The following C5 variants were observed in gnomAD, a reference collection of about 807,000 sequenced individuals.
The protein encoded by C5 is C3 and PZP-like alpha-2-macroglobulin domain-containing protein 4.
A neutral mutation model predicts 218.8 loss-of-function variants in C5; 140 were observed. The ratio of observed to expected loss-of-function variants is 0.64; its 90% CI spans 0.56 to 0.74. The LOEUF (loss-of-function observed/expected upper bound fraction) is 0.74, where lower values mean the gene tolerates loss of function less well. Among genes scored for constraint, C5 ranks in the 30% least tolerant of loss-of-function variants. The pLI, the probability that C5 is intolerant of heterozygous loss-of-function variation, is 0.00. For missense variants in C5, 1,700 were observed against 1,969.6 expected, an observed-to-expected ratio of 0.86 and a Z score of 2.59; for synonymous variants, 614 against 682.3, an observed-to-expected ratio of 0.90 and a Z score of 1.56.
rs1260365204 is a variant in C5, at chr9:120,982,802, A to T, written c.3243T>A (p.Phe1081Leu). ...GGSASTWLTA[F>L]ALRVLGQVNK... ...TTACTTGTCCAAGTACTCTTAAAGCAAAAGCTGTTAACCTTTAAGACAAAA... is the reference window on the plus strand; with the variant it reads ...TTACTTGTCCAAGTACTCTTAAAGCTAAAGCTGTTAACCTTTAAGACAAAA... The change falls in exon 26 of 41, where the codon TTT becomes TTA. Residue 1081 changes from phenylalanine (F) to leucine (L), a missense_variant. Transcript: ENST00000223642. The T allele has an allele frequency of 3.2e-6, 5 of 1,579,942 alleles. No homozygotes were observed. The highest frequency in any genetic ancestry group is 4.3e-6 in the Non-Finnish European group (5 of 1,151,106).
At chr9:121,013,098 T>A (rs1403680023) in intron 17 of C5, among the ~76,000 whole-genome samples, 1 of 152,100 alleles carries the variant, frequency 6.6e-6, no homozygotes, top group African/African-American at 2.4e-5. Flanking sequence ...GGTGGACGGA[T>A]CACCTGAGGT....
chr9:120,952,933 T>A, intron 40 of C5, 65 bp from the exon 41 acceptor site: 1 of 1,467,448 alleles, frequency 6.8e-7, no homozygotes, highest in East Asian at 2.5e-5. Flanking sequence ...GATTTCTTTA[T>A]TTTTTTTTGA....
At chr9:120,960,955 C>T (rs1238885278) in intron 37 of C5, among the ~76,000 whole-genome samples, 1 of 152,128 alleles carries the variant, frequency 6.6e-6, no homozygotes, top group Non-Finnish European at 1.5e-5. Flanking sequence ...CAATAAGTAC[C>T]TAGAAAATGT....
chr9:121,005,824 ACTT>A, intron 20 of C5, 92 bp downstream of exon 20: 1 of 1,271,018 alleles, frequency 7.9e-7, no homozygotes, highest in Non-Finnish European at 1.1e-6. Context: ...ACTGAGTTGA[ACTT>A]CTACTTTTTT....
chr9:121,065,530 G>T, the C5 span, among the ~76,000 whole-genome samples: 2 of 152,182 alleles, frequency 1.3e-5, no homozygotes, highest in East Asian at 3.9e-4. Context: ...TGCAATCACA[G>T]CTCATTGCAG....
rs386416117 is a variant in C5, at chr9:121,041,297, C to CTTTTTTTTTTTTTTTT, written c.421+1691_421+1706dup. ...CTGATAGAGAAATAATACATGAAGC[C>CTTTTTTTTTTTTTTTT]TTTTTTTTTTTTTTTTTTTTTTGCT... On this transcript the variant is annotated intron_variant, in intron 3 of 40. Coordinates refer to ENST00000223642, the MANE Select transcript of C5 (RefSeq NM_001735.3). Among the ~76,000 whole-genome samples, 10 of 72,678 alleles carry CTTTTTTTTTTTTTTTT rather than the reference C, an allele frequency of 1.4e-4. 2 individuals are homozygous for CTTTTTTTTTTTTTTTT. Among genetic ancestry groups the CTTTTTTTTTTTTTTTT allele is most frequent in the Admixed American group, 2.3e-4 (1 of 4,286 alleles). The allele number at this position is 72,678 out of a possible 152,430, so 47.7% of individuals were successfully genotyped here.
At chr9:120,973,476 G>A (rs2131685896) in intron 30 of C5, among the ~76,000 whole-genome samples, 1 of 152,348 alleles carries the variant, frequency 6.6e-6, no homozygotes, top group Admixed American at 6.5e-5. Flanking sequence ...CATACGTCCT[G>A]TGACTGGTGG....
Position 121,034,902 on chromosome 9 carries a change from T to TA in C5, c.493-9dup. On this transcript the variant is annotated splice_polypyrimidine_tract_variant and intron_variant, in intron 4 of 40. Transcript: ENST00000223642. ...TTCTGATCCTTCAGGATCCTGTAAA[T>TA]AAAAACAAACACCCTCAAAGGCCAG... 6.7e-7 allele frequency: 1 copy of TA among 1,495,560 alleles called. No homozygotes were observed. The highest frequency in any genetic ancestry group is 1.1e-5 in the South Asian group (1 of 87,212). 92.6% of individuals were successfully genotyped at this position (1,495,560 alleles called of 1,614,324 possible).
At chr9:121,017,251 G>A in intron 14 of C5, 111 bp downstream of exon 14, 1 of 1,254,462 alleles carries the variant, frequency 8.0e-7, no homozygotes, top group South Asian at 1.2e-5. Flanking sequence ...AAATGAGTAT[G>A]TTGAGTAGAT....
chr9:121,050,096 T>C, intron 1 of C5, 86 bp downstream of exon 1: 1 of 1,091,368 alleles, frequency 9.2e-7, no homozygotes, highest in Non-Finnish European at 1.4e-6. Flanking sequence ...CAAGTTATTT[T>C]CAAGTTAACA....
intron 39 of C5, chr9:120,956,826 C>G: frequency 5.3e-6 from 1 of 188,532 alleles, no homozygotes; most frequent in Non-Finnish European, 1.1e-5. Context: ...GGGAACTAAA[C>G]AGTGAGTACA....
At chr9:121,024,222 AG>A (rs1370102865) in intron 9 of C5, among the ~76,000 whole-genome samples, 3 of 23,222 alleles carry the variant, frequency 1.3e-4, no homozygotes, top group African/African-American at 2.4e-4. Context: ...TCGGGAGGGG[AG>A]GGAGGGAGGG....
In C5 at chr9:120,963,092, T is replaced by A. The variant is rs940793887; in HGVS notation, c.4324-125A>T. On this transcript the variant is annotated intron_variant, in intron 34 of 40. Transcript: ENST00000223642. Reference sequence around the variant, plus strand: ...GTAATTCAAAGAAATTGAAGAGCAGTTCCTCTTCTTGAAAAAGTCTGAACA... The same window carrying A: ...GTAATTCAAAGAAATTGAAGAGCAGATCCTCTTCTTGAAAAAGTCTGAACA... 11 of 793,050 alleles carry A rather than the reference T, an allele frequency of 1.4e-5. No homozygotes were observed. In the African/African-American group the frequency reaches 1.7e-4, roughly 12 times the overall value. 49.1% of individuals were successfully genotyped at this position (793,050 alleles called of 1,614,324 possible). A position where few individuals can be genotyped will look rare whatever the true frequency, so the allele number is the denominator to read the frequency against.
chr9:121,034,889 A>C lies in C5; in HGVS notation c.498T>G (p.Pro166=). 6.4e-7 allele frequency: 1 copy of C among 1,567,332 alleles called. No homozygotes were observed. The highest frequency in any genetic ancestry group is 8.8e-7 in the Non-Finnish European group (1 of 1,140,400). Residue 166 remains proline, a synonymous_variant, in exon 5 of 41, where the codon CCT becomes CCG. Coordinates refer to ENST00000223642, the MANE Select transcript of C5 (RefSeq NM_001735.3). ...CTACCATGTCAACTTCTGATCCTTC[A>C]GGATCCTGTAAATAAAAACAAACAC... ...KRETVLTFID[P]EGSEVDMVEE...
the C5 span, among the ~76,000 whole-genome samples, chr9:121,073,345 A>G: frequency 6.6e-6 from 1 of 151,316 alleles, no homozygotes; most frequent in Non-Finnish European, 1.5e-5. Flanking sequence ...CCACCTCCCT[A>G]CTCCTTGCCT....
the C5 span, among the ~76,000 whole-genome samples, chr9:121,070,756 T>C: frequency 6.6e-6 from 1 of 151,840 alleles, no homozygotes; most frequent in Non-Finnish European, 1.5e-5. Flanking sequence ...GAGAGAAAGA[T>C]ATCTTAAAGG....
the C5 span, among the ~76,000 whole-genome samples, chr9:121,062,604 T>C: frequency 6.6e-6 from 1 of 152,310 alleles, no homozygotes; most frequent in South Asian, 2.1e-4. Flanking sequence ...GTCAAGAACA[T>C]GAGAAAATTT....
At chr9:121,012,269 T>A (rs1054674262) in intron 17 of C5, among the ~76,000 whole-genome samples, 10 of 151,762 alleles carry the variant, frequency 6.6e-5, no homozygotes, top group Non-Finnish European at 1.0e-4. Flanking sequence ...TTAAAAAAAA[T>A]TAAGAGAAAA....
Position 121,013,970 on chromosome 9 carries a change from T to C in C5, c.2160A>G (p.Leu720=). The part of the protein sequence containing the change: ...TCEQRAARIS[L]GPRCIKAFTE... ...TGAAAGCTTTGATGCATCTTGGCCC[T>C]AAACTAATCCGTGCAGCTCGCTGCT... The change falls in exon 17 of 41, where the codon TTA becomes TTG. Residue 720 remains leucine, a synonymous_variant. Transcript: ENST00000223642. The C allele has an allele frequency of 6.2e-7, 1 of 1,614,228 alleles. No individual in the cohort carries two copies. The highest frequency in any genetic ancestry group is 8.5e-7 in the Non-Finnish European group (1 of 1,180,038).
Sources: allele counts gnomAD v4.1 joint callset (sites outside exome capture counted in the v4.1 genomes callset), GRCh38; gene constraint gnomAD v4.1.1; transcripts MANE v1.5; gene names NCBI Gene and HGNC (gene_info 2026-07-23, HGNC 2026-07-21).